The following PPP6R3 variants were observed in gnomAD, a reference collection of about 807,000 sequenced individuals.
PPP6R3 encodes the protein protein phosphatase 6 regulatory subunit 3, also known as serine/threonine-protein phosphatase 6 regulatory subunit 3.
A neutral mutation model predicts 110.7 loss-of-function variants in PPP6R3; 38 were observed. The observed-to-expected ratio is 0.34, with a 90% CI of 0.26 to 0.45. The LOEUF is 0.45. Ranked by LOEUF, PPP6R3 falls within the 20% of genes least tolerant of loss-of-function variation. The pLI, the probability that PPP6R3 is intolerant of heterozygous loss-of-function variation, is 1.00. For missense variants in PPP6R3, 870 were observed against 1,062.4 expected, an observed-to-expected ratio of 0.82 and a Z score of 2.52; for synonymous variants, 369 against 373.5, an observed-to-expected ratio of 0.99 and a Z score of 0.14.
At chr11:68,548,933 C>T (rs10896342) in intron 5 of PPP6R3, among the ~76,000 whole-genome samples, 35,002 of 152,088 alleles carry the variant, frequency 0.23, 4,278 homozygotes, top group Middle Eastern at 0.32. Context: ...CTCTGTCGCC[C>T]AGGCTGGAGT....
intron 22 of PPP6R3, 120 bp from the exon 23 acceptor site, chr11:68,609,784 A>G: frequency 6.4e-7 from 1 of 1,562,724 alleles, no homozygotes; most frequent in Non-Finnish European, 8.8e-7. Flanking sequence ...GCTCAGTCCC[A>G]GGATGCTTTG....
intron 11 of PPP6R3, among the ~76,000 whole-genome samples, 159 bp downstream of exon 11, chr11:68,570,056 A>G (rs1261157051): frequency 6.6e-6 from 1 of 152,254 alleles, no homozygotes; most frequent in African/African-American, 2.4e-5. Context: ...CATATAAATC[A>G]TTATATAAAT....
intron 1 of PPP6R3, among the ~76,000 whole-genome samples, chr11:68,463,711 C>A (rs546656958): frequency 2.4e-4 from 37 of 152,344 alleles, no homozygotes; most frequent in Admixed American, 3.9e-4. Context: ...AAAAAAAGAT[C>A]TGGCCTCTTG....
Position 68,490,635 on chromosome 11 carries a change from T to C in PPP6R3, c.-157-28866T>C, listed in dbSNP as rs78979564. ...GTTCTTGGATATTTTCTGTTTTTTTTTTCTTTTGTATTTTTTTCTCTTTCC... is the reference window on the plus strand; with the variant it reads ...GTTCTTGGATATTTTCTGTTTTTTTCTTCTTTTGTATTTTTTTCTCTTTCC... On this transcript the variant is annotated intron_variant, in intron 1 of 23. Transcript: ENST00000393800. Among the ~76,000 whole-genome samples the C allele has an allele frequency of 7.5e-3, 1,146 of 152,250 alleles. 5 individuals carry two copies. Among genetic ancestry groups the C allele is most frequent in the Non-Finnish European group, 0.012 (834 of 68,018 alleles).
At chr11:68,520,640 T>C (rs1321930474) in intron 2 of PPP6R3, among the ~76,000 whole-genome samples, 1 of 152,214 alleles carries the variant, frequency 6.6e-6, no homozygotes, top group African/African-American at 2.4e-5. Flanking sequence ...TTGCCCCCGA[T>C]ATTCAGATTC....
Position 68,615,164 on chromosome 11 carries a change from T to A in PPP6R3, c.*2047T>A, listed in dbSNP as rs753788021. 1 of 446,566 alleles carries A rather than the reference T, an allele frequency of 2.2e-6. No homozygotes were observed. The highest frequency in any genetic ancestry group is 1.6e-5 in the South Asian group (1 of 63,760). 27.7% of individuals were successfully genotyped at this position (446,566 alleles called of 1,614,324 possible). A position where few individuals can be genotyped will look rare whatever the true frequency, so the allele number is the denominator to read the frequency against. On this transcript the variant is annotated 3_prime_UTR_variant, in exon 24 of 24. Coordinates refer to ENST00000393800, the MANE Select transcript of PPP6R3 (RefSeq NM_001164161.2). Reference sequence around the variant, plus strand: ...TATGACAATGGGGAGGACAGTTCTTTTGGAGGTTGGAGGGGCCAAGCCAAG... The same window carrying A: ...TATGACAATGGGGAGGACAGTTCTTATGGAGGTTGGAGGGGCCAAGCCAAG...
chr11:68,531,446 T>A (rs955002523), intron 2 of PPP6R3, among the ~76,000 whole-genome samples: 1 of 152,000 alleles, frequency 6.6e-6, no homozygotes, highest in African/African-American at 2.4e-5. Context: ...CAGGTGATTC[T>A]CCCACCTCAG....
At chr11:68,561,815 G>T (rs1053510139) in intron 8 of PPP6R3, among the ~76,000 whole-genome samples, 1 of 152,196 alleles carries the variant, frequency 6.6e-6, no homozygotes, top group African/African-American at 2.4e-5. Flanking sequence ...CTGGAGTGCA[G>T]TGGCACAATC....
chr11:68,605,328 C>T (rs1305575476), intron 22 of PPP6R3, among the ~76,000 whole-genome samples: 3 of 152,066 alleles, frequency 2.0e-5, no homozygotes, highest in Non-Finnish European at 4.4e-5. Flanking sequence ...AAAGCGAAAA[C>T]AAAACTTAGT....
At chr11:68,609,119 A>C (rs1011493986) in intron 22 of PPP6R3, among the ~76,000 whole-genome samples, 1 of 152,184 alleles carries the variant, frequency 6.6e-6, no homozygotes, top group Non-Finnish European at 1.5e-5. Context: ...TCCCAGACTG[A>C]ATAGGCAGAG....
At chr11:68,502,860 C>G (rs1275787701) in intron 1 of PPP6R3, among the ~76,000 whole-genome samples, 1 of 152,216 alleles carries the variant, frequency 6.6e-6, no homozygotes, top group Non-Finnish European at 1.5e-5. Flanking sequence ...GTCTACTAGT[C>G]ATTGGGTTAC....
chr11:68,520,960 C>T (rs770831584), intron 2 of PPP6R3, among the ~76,000 whole-genome samples: 45 of 152,054 alleles, frequency 3.0e-4, no homozygotes, highest in Non-Finnish European at 5.6e-4. Context: ...TTTGTAGAGA[C>T]GGTGTCTCAC....
At chr11:68,540,087 C>T (rs996664908) in intron 3 of PPP6R3, among the ~76,000 whole-genome samples, 1 of 152,220 alleles carries the variant, frequency 6.6e-6, no homozygotes, top group Non-Finnish European at 1.5e-5. Context: ...TGGAGCACCT[C>T]TGGAGACAGG....
chr11:68,600,077 G>A (rs1025683058), intron 19 of PPP6R3, among the ~76,000 whole-genome samples: 6 of 152,036 alleles, frequency 3.9e-5, no homozygotes, highest in African/African-American at 1.4e-4. Context: ...AGCGGAGATC[G>A]TGCCACTGCA....
At position 68,563,069 on chromosome 11, in the gene PPP6R3, G is replaced by C. The variant is rs528391266; in HGVS notation, c.846-1234G>C. ...ATGCCTAGCACTTTGGGAGGCTGAG[G>C]GGGGAGGATCACTTGAGAAGGCCCC... On this transcript the variant is annotated intron_variant, in intron 8 of 23. Coordinates refer to ENST00000393800, the MANE Select transcript of PPP6R3 (RefSeq NM_001164161.2). Among the ~76,000 whole-genome samples, 34 of 151,778 alleles carry C rather than the reference G, an allele frequency of 2.2e-4. No individual in the cohort carries two copies. The South Asian group carries it at 5.4e-3, about 24-fold the overall frequency.
At chr11:68,469,540 A>ATTT (rs376996871) in intron 1 of PPP6R3, among the ~76,000 whole-genome samples, 3 of 141,172 alleles carry the variant, frequency 2.1e-5, no homozygotes, top group Non-Finnish European at 3.1e-5. Flanking sequence ...CACCCAGGTA[A>ATTT]TTTTTTTTTT....
chr11:68,543,951 C>G (rs1565729158), intron 3 of PPP6R3, among the ~76,000 whole-genome samples: 1 of 152,112 alleles, frequency 6.6e-6, no homozygotes, highest in Non-Finnish European at 1.5e-5. Context: ...TGTAGAAGAG[C>G]CTGTGTGGGT....
At chr11:68,507,562 G>A (rs1487555545) in intron 1 of PPP6R3, among the ~76,000 whole-genome samples, 2 of 152,168 alleles carry the variant, frequency 1.3e-5, no homozygotes, top group African/African-American at 4.8e-5. Flanking sequence ...TGGTGAACAA[G>A]TCCTTGTAGA....
intron 1 of PPP6R3, among the ~76,000 whole-genome samples, chr11:68,514,333 C>T (rs1393518631): frequency 6.6e-6 from 1 of 152,006 alleles, no homozygotes; most frequent in Non-Finnish European, 1.5e-5. Context: ...TCCCAAAGCT[C>T]TGGGATCTCA....
Sources: gnomAD v4.1 joint callset for allele counts (sites outside exome capture counted in the v4.1 genomes callset) on GRCh38, gnomAD v4.1.1 for gene constraint, MANE v1.5 for transcripts, NCBI Gene and HGNC (gene_info 2026-07-23, HGNC 2026-07-21) for gene names.